TNFRSF10A: variants seen among roughly 807,000 people sequenced by gnomAD.
The protein encoded by TNFRSF10A is TNF receptor superfamily member 10a.
In TNFRSF10A, 44 loss-of-function variants were observed where a neutral mutation model predicts 42.8. The observed-to-expected ratio is 1.03, with a 90% CI of 0.81 to 1.32. The LOEUF (loss-of-function observed/expected upper bound fraction) is 1.32, where lower values mean the gene tolerates loss of function less well. Ranked by LOEUF, TNFRSF10A falls within the 40% of genes most tolerant of loss-of-function variation. The pLI is 0.00. For missense variants in TNFRSF10A, 680 were observed against 602.0 expected (o/e 1.13, Z -1.36); for synonymous variants, 259 against 234.2 (o/e 1.11, Z -0.97).
chr8:23,219,074 C>T (rs1000059808), intron 1 of TNFRSF10A, among the ~76,000 whole-genome samples: 6 of 151,614 alleles, frequency 4.0e-5, no homozygotes, highest in Admixed American at 6.6e-5. Context: ...TCCCTGGAGC[C>T]GGCACAGCCT....
chr8:23,191,884 T>A lies in TNFRSF10A; in HGVS notation c.1217A>T (p.Asp406Val), dbSNP rs1800760070. ...TTTCATCAGCATTGCATACAAGGCA[T>A]CCCCTGGGCCTGCTGTACCAGCTCT... ...VVRAGTAGPG[D>V]ALYAMLMKWV... The change falls in exon 10 of 10, where the codon GAT (aspartate) becomes GTT (valine). Residue 406 changes from aspartate to valine, a missense_variant. Coordinates refer to ENST00000221132, the MANE Select transcript of TNFRSF10A (RefSeq NM_003844.4). 6.2e-7 allele frequency: 1 copy of A among 1,614,112 alleles called. No homozygotes were observed. Among genetic ancestry groups the A allele is most frequent in the Non-Finnish European group, 8.5e-7 (1 of 1,180,020 alleles).
At chr8:23,202,254 A>T (rs1800941113) in intron 3 of TNFRSF10A, among the ~76,000 whole-genome samples, 1 of 152,194 alleles carries the variant, frequency 6.6e-6, no homozygotes, top group African/African-American at 2.4e-5. Context: ...GACTTCCCAA[A>T]AACCCAGCCT....
intron 9 of TNFRSF10A, among the ~76,000 whole-genome samples, chr8:23,193,736 T>C (rs576007375): frequency 6.6e-5 from 10 of 152,358 alleles, no homozygotes; most frequent in African/African-American, 2.4e-4. Flanking sequence ...CTGGACACTC[T>C]TGGAGCTTGT....
At chr8:23,214,498 C>T (rs1431945764) in intron 1 of TNFRSF10A, among the ~76,000 whole-genome samples, 1 of 145,680 alleles carries the variant, frequency 6.9e-6, no homozygotes, top group Non-Finnish European at 1.5e-5. Flanking sequence ...AAAAAAAAAA[C>T]AGCAAAAAAG....
At chr8:23,205,431 T>A (rs1235115499) in intron 2 of TNFRSF10A, among the ~76,000 whole-genome samples, 1 of 152,182 alleles carries the variant, frequency 6.6e-6, no homozygotes, top group East Asian at 1.9e-4. Flanking sequence ...ATATATAATA[T>A]TTGATAATGA....
intron 6 of TNFRSF10A, 32 bp downstream of exon 6, chr8:23,200,473 G>A (rs776426118): frequency 1.2e-6 from 2 of 1,607,488 alleles, no homozygotes; most frequent in Admixed American, 1.7e-5. Context: ...GGCAGAGAGT[G>A]CCCAGAGCCC....
In TNFRSF10A at chr8:23,224,886, A is replaced by AT. The variant is rs1196566760; in HGVS notation, c.175dup (p.Met59AsnfsTer48). 6.3e-7 allele frequency: 1 copy of AT among 1,588,034 alleles called. No homozygotes were observed. The highest frequency in any genetic ancestry group is 8.6e-7 in the Non-Finnish European group (1 of 1,167,554). On this transcript the variant is annotated frameshift_variant, in exon 1 of 10. Coordinates refer to ENST00000221132, the MANE Select transcript of TNFRSF10A (RefSeq NM_003844.4). LOFTEE classifies it high-confidence loss of function. Reference sequence around the variant, plus strand: ...CCGGGCACTGGGTCCGTGCTGTCCCATGGAGGTAGGGAGCGCTCCTCGGCC... The same window carrying AT: ...CCGGGCACTGGGTCCGTGCTGTCCCATTGGAGGTAGGGAGCGCTCCTCGGCC...
intron 1 of TNFRSF10A, among the ~76,000 whole-genome samples, chr8:23,215,238 C>T (rs546781668): frequency 1.3e-5 from 2 of 152,242 alleles, no homozygotes; most frequent in East Asian, 3.9e-4. Flanking sequence ...GCAGGGGGGC[C>T]GGGCGCCGTG....
chr8:23,209,887 T>C (rs1211947405), intron 2 of TNFRSF10A, among the ~76,000 whole-genome samples: 1 of 152,024 alleles, frequency 6.6e-6, no homozygotes, highest in East Asian at 1.9e-4. Context: ...TGTGAGGACA[T>C]GAGATGTGGG....
chr8:23,191,523 C>T lies in TNFRSF10A; in HGVS notation c.*171G>A. 1.1e-6 allele frequency: 1 copy of T among 932,518 alleles called. No homozygotes were observed. The highest frequency in any genetic ancestry group is 1.5e-6 in the Non-Finnish European group (1 of 645,844). 57.8% of individuals were successfully genotyped at this position (932,518 alleles called of 1,614,324 possible). On this transcript the variant is annotated 3_prime_UTR_variant, in exon 10 of 10. Transcript: ENST00000221132. ...CGATGTTGGTCAGGCTGGTCTTGAA[C>T]TTCTGACCTCAAGTGATCCACCCGC...
In TNFRSF10A at chr8:23,224,479, G is replaced by T. The variant is rs1295086070; in HGVS notation, c.306+277C>A. 7 of 503,976 alleles carry T rather than the reference G, an allele frequency of 1.4e-5. 1 individual carries two copies. The highest frequency in any genetic ancestry group is 3.9e-5 in the East Asian group (1 of 25,886). 31.2% of individuals were successfully genotyped at this position (503,976 alleles called of 1,614,324 possible). Reference sequence around the variant, plus strand: ...ACTTCCCGATACATCGTGAGGTGTGGGCAGGAGGGAGACGCGCCAGGCAGC... The same window carrying T: ...ACTTCCCGATACATCGTGAGGTGTGTGCAGGAGGGAGACGCGCCAGGCAGC... On this transcript the variant is annotated intron_variant, in intron 1 of 9. Coordinates refer to ENST00000221132, the MANE Select transcript of TNFRSF10A (RefSeq NM_003844.4).
At chr8:23,202,282 C>A (rs17088995) in intron 3 of TNFRSF10A, among the ~76,000 whole-genome samples, 2,543 of 151,332 alleles carry the variant, frequency 0.017, 65 homozygotes, top group African/African-American at 0.058. Context: ...AAGAGGGAGG[C>A]GCCTGAGAAA....
rs377693131 is a variant in TNFRSF10A at position 23,204,029 on chromosome 8, G to A, written c.404-1268C>T. Among the ~76,000 whole-genome samples the A allele has an allele frequency of 6.4e-4, 97 of 152,068 alleles. 1 individual carries two copies. The highest frequency in any genetic ancestry group is 3.9e-3 in the East Asian group (20 of 5,170). ...CCTGACCTCATGATCCACCTGCCTC[G>A]GCCTCCCAAAGTGCTGGGATTACAG... is the stretch of plus-strand genomic sequence containing the variant. On this transcript the variant is annotated intron_variant, in intron 2 of 9. Coordinates refer to ENST00000221132, the MANE Select transcript of TNFRSF10A (RefSeq NM_003844.4).
intron 9 of TNFRSF10A, among the ~76,000 whole-genome samples, chr8:23,195,944 A>AT (rs1254870067): frequency 6.6e-6 from 1 of 152,172 alleles, no homozygotes; most frequent in Non-Finnish European, 1.5e-5. Context: ...AATCAACCCA[A>AT]TATGTCCATC....
chr8:23,212,311 C>T (rs1368151513), intron 1 of TNFRSF10A, 99 bp from the exon 2 acceptor site: 11 of 1,004,332 alleles, frequency 1.1e-5, no homozygotes, highest in East Asian at 7.8e-5. Flanking sequence ...CAAAATTAGA[C>T]AGAACTTGCA....
At chr8:23,199,970 C>T in intron 6 of TNFRSF10A, 53 bp from the exon 7 acceptor site, 1 of 1,612,388 alleles carries the variant, frequency 6.2e-7, no homozygotes, top group South Asian at 1.1e-5. Context: ...ATGCAGCACT[C>T]CTTCTTAGAG....
At chr8:23,201,978 C>G in intron 3 of TNFRSF10A, 59 bp from the exon 4 acceptor site, 1 of 1,468,306 alleles carries the variant, frequency 6.8e-7, no homozygotes, top group Non-Finnish European at 9.5e-7. Context: ...CTTGACCTTT[C>G]CTCACCACCC....
At chr8:23,192,037 C>T (rs375514749) in intron 9 of TNFRSF10A, 24 bp from the exon 10 acceptor site, 24 of 1,598,348 alleles carry the variant, frequency 1.5e-5, no homozygotes, top group African/African-American at 1.5e-4. Context: ...GCCACAGAGA[C>T]AGCCAGATGA....
intron 1 of TNFRSF10A, among the ~76,000 whole-genome samples, chr8:23,221,052 T>A (rs757556826): frequency 5.3e-5 from 8 of 152,170 alleles, no homozygotes; most frequent in Non-Finnish European, 1.2e-4. Flanking sequence ...CCCCTCCCCA[T>A]GGCGCTCCAC....
Sources: gnomAD v4.1 joint callset for allele counts (sites outside exome capture counted in the v4.1 genomes callset) on GRCh38, gnomAD v4.1.1 for gene constraint, MANE v1.5 for transcripts, NCBI Gene and HGNC (gene_info 2026-07-23, HGNC 2026-07-21) for gene names.